Variants in VIPR2 observed in about 807,000 individuals in gnomAD.
VIPR2 encodes vasoactive intestinal polypeptide receptor 2.
Under a neutral mutation model 58.0 loss-of-function variants are expected in VIPR2, and 48 were observed. The observed-to-expected ratio is 0.83, with a 90% CI of 0.66 to 1.05. The LOEUF (loss-of-function observed/expected upper bound fraction) is 1.05. Ranked by LOEUF, VIPR2 falls within the 50% of genes least tolerant of loss-of-function variation. The probability of loss-of-function intolerance (pLI) is 0.00; values close to 1 mark genes in which losing one functional copy is unlikely to be tolerated. For synonymous variants in VIPR2, 243 were observed against 235.2 expected (o/e 1.03, Z -0.30); for missense variants, 534 against 558.0 (o/e 0.96, Z 0.43).
chr7:159,121,234 C>T lies in VIPR2; in HGVS notation c.152-11315G>A, dbSNP rs572311044. ...TTCTGATTCCTCCTTCCTCGTCGTG[C>T]GGGGCAGACTCTAACACAGCCCCAG... is the stretch of plus-strand genomic sequence containing the variant. On this transcript the variant is annotated intron_variant, in intron 2 of 12. Transcript: ENST00000262178. 3.8e-4 allele frequency among the ~76,000 whole-genome samples: 54 copies of T among 143,018 alleles called. 1 individual carries two copies. Among genetic ancestry groups the T allele is most frequent in the African/African-American group, 3.5e-4 (14 of 39,948 alleles). The allele number at this position is 143,018 out of a possible 152,430, so 93.8% of individuals were successfully genotyped here. A position where few individuals can be genotyped will look rare whatever the true frequency, so the allele number is the denominator to read the frequency against.
In VIPR2 at chr7:159,097,496, C is replaced by T. The variant is rs1857933426; in HGVS notation, c.357+6261G>A. 6.6e-6 allele frequency among the ~76,000 whole-genome samples: 1 copy of T among 152,076 alleles called. No homozygotes were observed. Among genetic ancestry groups the T allele is most frequent in the Non-Finnish European group, 1.5e-5 (1 of 68,012 alleles). ...CCACACTCCGCCCTGGCCACCTCCA[C>T]CACAGAAGCAATGGCAGGGCTGTGA... On this transcript the variant is annotated intron_variant, in intron 4 of 12. Transcript: ENST00000262178. This position sits in a 1 kb window ranked among gnomAD's most constrained non-coding sequence, Gnocchi z 5.3.
At position 159,126,693 on chromosome 7, in the gene VIPR2, C is replaced by T. The variant is rs185245422; in HGVS notation, c.151+15753G>A. On this transcript the variant is annotated intron_variant, in intron 2 of 12. Coordinates refer to ENST00000262178, the MANE Select transcript of VIPR2 (RefSeq NM_003382.5). The stretch of plus-strand genomic sequence containing the variant: ...AGATAATCAGAGAAGGGGCTCTGGG[C>T]GCCACAGTGACCCTACTGTCCACAG... Among the ~76,000 whole-genome samples the T allele has an allele frequency of 7.9e-5, 12 of 152,278 alleles. No homozygotes were observed. In the East Asian group the frequency reaches 1.3e-3, roughly 17 times the overall value.
intron 12 of VIPR2, 97 bp from the exon 13 acceptor site, chr7:159,030,886 G>A (rs1585316838): frequency 1.5e-6 from 2 of 1,366,906 alleles, no homozygotes; most frequent in Non-Finnish European, 1.9e-6. Context: ...TCTCCCTCCC[G>A]CCTGCTCCCG....
At position 159,128,882 on chromosome 7, in the gene VIPR2, C is replaced by T. The variant is rs954397000; in HGVS notation, c.151+13564G>A. ...TTCCCTCCCTGCGGCTGAGCTCAGTCCTGACACAGGCTTCTTCCATCTGCT... is the reference window on the plus strand; with the variant it reads ...TTCCCTCCCTGCGGCTGAGCTCAGTTCTGACACAGGCTTCTTCCATCTGCT... On this transcript the variant is annotated intron_variant, in intron 2 of 12. Transcript: ENST00000262178. This position sits in a 1 kb window ranked among gnomAD's most constrained non-coding sequence, Gnocchi z 4.1. Among the ~76,000 whole-genome samples the T allele has an allele frequency of 1.3e-5, 2 of 152,196 alleles. No homozygotes were observed. The highest frequency in any genetic ancestry group is 2.4e-5 in the African/African-American group (1 of 41,464).
At chr7:159,132,776 A>AATG (rs1400478580) in intron 2 of VIPR2, among the ~76,000 whole-genome samples, 1 of 133,098 alleles carries the variant, frequency 7.5e-6, no homozygotes, top group Non-Finnish European at 1.7e-5. Flanking sequence ...TTTCAGACAG[A>AATG]ATGATTGGCA....
rs1005373829 is a variant in VIPR2, at chr7:159,095,819, T to C, written c.357+7938A>G. ...CCTTCAAAACTCTTCCTTCTCTCTT[T>C]TTTTTTTAAGTCTTTAACAGACCTC... On this transcript the variant is annotated intron_variant, in intron 4 of 12. Coordinates refer to ENST00000262178, the MANE Select transcript of VIPR2 (RefSeq NM_003382.5). The surrounding 1 kb of genome is among the most constrained non-coding windows in gnomAD (Gnocchi z 5.2). Among the ~76,000 whole-genome samples, 4 of 152,058 alleles carry C rather than the reference T, an allele frequency of 2.6e-5. No individual in the cohort carries two copies. Among genetic ancestry groups the C allele is most frequent in the Admixed American group, 6.5e-5 (1 of 15,280 alleles).
chr7:159,121,816 C>A (rs1796465890), intron 2 of VIPR2, among the ~76,000 whole-genome samples: 1 of 152,194 alleles, frequency 6.6e-6, no homozygotes, highest in Admixed American at 6.5e-5. Flanking sequence ...AATGCTTGGA[C>A]TTTTATCCTG....
chr7:159,102,201 T>C (rs997649469), intron 4 of VIPR2, among the ~76,000 whole-genome samples: 2 of 151,636 alleles, frequency 1.3e-5, no homozygotes, highest in African/African-American at 2.4e-5. Context: ...GTTCCTGTGA[T>C]AGTGAACGGG....
chr7:159,125,571 G>A (rs896962931), intron 2 of VIPR2, among the ~76,000 whole-genome samples: 1 of 152,224 alleles, frequency 6.6e-6, no homozygotes, highest in South Asian at 2.1e-4. Flanking sequence ...AAAATTCTCC[G>A]GTATGTCCTA....
chr7:159,087,555 T>C (rs990840264), intron 4 of VIPR2, among the ~76,000 whole-genome samples: 1 of 123,806 alleles, frequency 8.1e-6, no homozygotes, highest in Non-Finnish European at 1.7e-5. Flanking sequence ...AGGACTCGGA[T>C]AGTGAGATAC....
chr7:159,047,844 G>A (rs1854748640), intron 5 of VIPR2, among the ~76,000 whole-genome samples: 1 of 152,054 alleles, frequency 6.6e-6, no homozygotes, highest in Admixed American at 6.5e-5. Context: ...TCACTGTATT[G>A]GTAACTCCAA....
chr7:159,070,088 A>G (rs1288027315), intron 4 of VIPR2, among the ~76,000 whole-genome samples: 3 of 152,296 alleles, frequency 2.0e-5, no homozygotes, highest in African/African-American at 4.8e-5. Context: ...CCAACGCCAA[A>G]GTCTCAGCTC....
rs747914292 is a variant in VIPR2, at chr7:159,135,004, G to GTTTTT, written c.151+7437_151+7441dup. ...TATTGGTCTTCTCTTAATTACAAAAGTTTTTTTTTTTTTTTTTTTTTTTTT... is the reference window on the plus strand; with the variant it reads ...TATTGGTCTTCTCTTAATTACAAAAGTTTTTTTTTTTTTTTTTTTTTTTTTTTTTT... On this transcript the variant is annotated intron_variant, in intron 2 of 12. Coordinates refer to ENST00000262178, the MANE Select transcript of VIPR2 (RefSeq NM_003382.5). Among the ~76,000 whole-genome samples, 28 of 65,954 alleles carry GTTTTT rather than the reference G, an allele frequency of 4.2e-4. 1 individual carries two copies. The highest frequency in any genetic ancestry group is 1.6e-3 in the African/African-American group (25 of 15,374). 43.3% of individuals were successfully genotyped at this position (65,954 alleles called of 152,430 possible).
intron 2 of VIPR2, among the ~76,000 whole-genome samples, chr7:159,111,483 C>T (rs757820752): frequency 5.3e-5 from 8 of 151,948 alleles, no homozygotes; most frequent in Non-Finnish European, 8.8e-5. Flanking sequence ...AGTGTGAGAA[C>T]AGCCTGGCCA....
chr7:159,114,270 G>A (rs1796151496), intron 2 of VIPR2, among the ~76,000 whole-genome samples: 1 of 152,026 alleles, frequency 6.6e-6, no homozygotes, highest in African/African-American at 2.4e-5. Flanking sequence ...GGCACAGGAC[G>A]GCATGGGAGG....
rs555079916 is a variant in VIPR2 at position 159,050,074 on chromosome 7, C to T, written c.456-6898G>A. 2.5e-3 allele frequency among the ~76,000 whole-genome samples: 374 copies of T among 152,258 alleles called. 1 individual carries two copies. The highest frequency in any genetic ancestry group is 8.4e-3 in the African/African-American group (347 of 41,526). On this transcript the variant is annotated intron_variant, in intron 5 of 12. Transcript: ENST00000262178. ...AACACTGGCCAGGCACGGTGGCTCA[C>T]GCGTGTAATCCTAGCACTTTGGGAG...
chr7:159,096,860 T>C lies in VIPR2; in HGVS notation c.357+6897A>G. ...CTCGGGATGCTTCCGCCGTACTGTG[T>C]CCATGGCTGAGACCACCCTCTCTGT... On this transcript the variant is annotated intron_variant, in intron 4 of 12. Transcript: ENST00000262178. This position sits in a 1 kb window ranked among gnomAD's most constrained non-coding sequence, Gnocchi z 5.5. 4 of 1,543,610 alleles carry C rather than the reference T, an allele frequency of 2.6e-6. No homozygotes were observed. Among genetic ancestry groups the C allele is most frequent in the Non-Finnish European group, 3.5e-6 (4 of 1,143,028 alleles).
intron 4 of VIPR2, among the ~76,000 whole-genome samples, chr7:159,082,411 A>G (rs1160492944): frequency 1.3e-5 from 2 of 152,306 alleles, no homozygotes; most frequent in African/African-American, 4.8e-5. Flanking sequence ...TGGGAATTGA[A>G]CAATGAGAAC....
intron 2 of VIPR2, among the ~76,000 whole-genome samples, chr7:159,130,516 AG>A (rs35358834): frequency 0.11 from 16,774 of 152,022 alleles, 2,406 homozygotes; most frequent in African/African-American, 0.33. Flanking sequence ...CCACTCCTGT[AG>A]CCCCACCCAG....
Sources: gnomAD v4.1 joint callset for allele counts (sites outside exome capture counted in the v4.1 genomes callset) on GRCh38, gnomAD v4.1.1 for gene constraint, Gnocchi (gnomAD v3.1) non-coding constraint, MANE v1.5 for transcripts, NCBI Gene and HGNC (gene_info 2026-07-23, HGNC 2026-07-21) for gene names.